TOM1L2: variants seen among roughly 807,000 people sequenced by gnomAD.
The protein encoded by TOM1L2 is target of myb1 like 2 membrane trafficking protein.
A neutral mutation model predicts 67.9 loss-of-function variants in TOM1L2; 31 were observed. The ratio of observed to expected loss-of-function variants is 0.46; its 90% CI spans 0.34 to 0.62. TOM1L2 has a LOEUF of 0.62. Among genes scored for constraint, TOM1L2 ranks in the 20% least tolerant of loss-of-function variants. The pLI, the probability that TOM1L2 is intolerant of heterozygous loss-of-function variation, is 0.01. For synonymous variants in TOM1L2, 256 were observed against 254.0 expected, an observed-to-expected ratio of 1.01 and a Z score of -0.07; for missense variants, 606 against 663.5, an observed-to-expected ratio of 0.91 and a Z score of 0.95.
intron 1 of TOM1L2, among the ~76,000 whole-genome samples, chr17:17,953,228 C>T (rs964005961): frequency 6.6e-6 from 1 of 151,976 alleles, no homozygotes; most frequent in African/African-American, 2.4e-5. Context: ...TGCAGTGAGC[C>T]GAAATCTTGT....
At chr17:17,866,499 C>A in intron 9 of TOM1L2, 80 bp from the exon 10 acceptor site, 1 of 1,470,002 alleles carries the variant, frequency 6.8e-7, no homozygotes, top group South Asian at 1.4e-5. Flanking sequence ...GGCAACTATG[C>A]AGGGTTCCAA....
intron 5 of TOM1L2, 127 bp from the exon 6 acceptor site, chr17:17,882,990 G>A: frequency 1.8e-6 from 2 of 1,142,162 alleles, no homozygotes; most frequent in South Asian, 1.5e-5. Context: ...CTGCTCCACT[G>A]CTGCCCGGGT....
intron 4 of TOM1L2, among the ~76,000 whole-genome samples, chr17:17,891,877 A>G (rs1274010365): frequency 6.6e-6 from 1 of 151,856 alleles, no homozygotes; most frequent in Non-Finnish European, 1.5e-5. Flanking sequence ...GACGAGGGAC[A>G]ACCCTAGGGT....
chr17:17,957,887 A>G (rs924235946), intron 1 of TOM1L2, among the ~76,000 whole-genome samples: 1 of 151,776 alleles, frequency 6.6e-6, no homozygotes, highest in Non-Finnish European at 1.5e-5. Context: ...TCCGGAGATC[A>G]AGACCATCCT....
chr17:17,911,639 G>T (rs1400626119), intron 1 of TOM1L2, among the ~76,000 whole-genome samples: 1 of 152,092 alleles, frequency 6.6e-6, no homozygotes, highest in Non-Finnish European at 1.5e-5. Flanking sequence ...TGATTAGCTG[G>T]AAATTCTTTT....
At chr17:17,879,875 G>T in intron 6 of TOM1L2, 132 bp from the exon 7 acceptor site, 1 of 792,484 alleles carries the variant, frequency 1.3e-6, no homozygotes, top group Non-Finnish European at 2.2e-6. Context: ...CTTTCTGAGT[G>T]CACACTGCAG....
chr17:17,911,541 C>T (rs559847772), intron 1 of TOM1L2, among the ~76,000 whole-genome samples: 59 of 152,260 alleles, frequency 3.9e-4, no homozygotes, highest in Non-Finnish European at 6.3e-4. Flanking sequence ...CTGAACTTTG[C>T]TTTCCTCTGG....
At chr17:17,862,949 T>G in intron 10 of TOM1L2, 101 bp from the exon 11 acceptor site, 6 of 480,934 alleles carry the variant, frequency 1.2e-5, no homozygotes, top group South Asian at 3.5e-5. Flanking sequence ...TGGGTTTAGG[T>G]TCCATGGGGA....
chr17:17,920,855 C>CA (rs2039836290), intron 1 of TOM1L2, among the ~76,000 whole-genome samples: 1 of 152,096 alleles, frequency 6.6e-6, no homozygotes, highest in Non-Finnish European at 1.5e-5. Context: ...AGGCTGGTCT[C>CA]AAACTCCTGA....
chr17:17,918,808 G>A (rs961293608), intron 1 of TOM1L2, among the ~76,000 whole-genome samples: 1 of 152,174 alleles, frequency 6.6e-6, no homozygotes, highest in Admixed American at 6.5e-5. Flanking sequence ...GGCTTAATGA[G>A]CCGTTAAGTA....
intron 2 of TOM1L2, among the ~76,000 whole-genome samples, chr17:17,907,056 GCTCT>G (rs1353213670): frequency 2.0e-5 from 3 of 152,208 alleles, no homozygotes; most frequent in Non-Finnish European, 2.9e-5. Context: ...ACACGGTGGT[GCTCT>G]CTGACTCCTG....
chr17:17,923,081 C>T (rs2039943920), intron 1 of TOM1L2, among the ~76,000 whole-genome samples: 1 of 152,194 alleles, frequency 6.6e-6, no homozygotes, highest in African/African-American at 2.4e-5. Flanking sequence ...TTTCCCAGGG[C>T]TCATACCTGC....
intron 12 of TOM1L2, among the ~76,000 whole-genome samples, chr17:17,853,550 A>G (rs1279785255): frequency 6.6e-6 from 1 of 152,240 alleles, no homozygotes; most frequent in Non-Finnish European, 1.5e-5. Context: ...TCACCTCCTC[A>G]AAAATAACTT....
chr17:17,909,058 G>A (rs1449751252), intron 1 of TOM1L2, among the ~76,000 whole-genome samples: 2 of 152,150 alleles, frequency 1.3e-5, no homozygotes, highest in African/African-American at 4.8e-5. Flanking sequence ...GTGGGCACCT[G>A]TCGTTCCAGC....
intron 1 of TOM1L2, among the ~76,000 whole-genome samples, chr17:17,910,524 A>G (rs2039298632): frequency 6.6e-6 from 1 of 152,166 alleles, no homozygotes; most frequent in South Asian, 2.1e-4. Flanking sequence ...CAGAGGTTCT[A>G]CTTTGAATGG....
intron 8 of TOM1L2, among the ~76,000 whole-genome samples, chr17:17,867,921 CTCA>C (rs1458655583): frequency 1.3e-5 from 2 of 152,234 alleles, no homozygotes; most frequent in Non-Finnish European, 2.9e-5. Context: ...CTTTCCCACA[CTCA>C]TCTTCAATGA....
At chr17:17,957,297 G>A (rs1186827785) in intron 1 of TOM1L2, among the ~76,000 whole-genome samples, 1 of 152,182 alleles carries the variant, frequency 6.6e-6, no homozygotes, top group Non-Finnish European at 1.5e-5. Context: ...TTTCAAAATG[G>A]CAGGTAGAGA....
chr17:17,850,725 A>G (rs1260153300), intron 13 of TOM1L2, among the ~76,000 whole-genome samples, 168 bp downstream of exon 13: 2 of 152,142 alleles, frequency 1.3e-5, no homozygotes, highest in African/African-American at 4.8e-5. Context: ...ACCCACAGCT[A>G]TGGGCTGATG....
rs762872409 is a variant in TOM1L2 at position 17,879,714 on chromosome 17, G to A, written c.690C>T (p.Val230=). 74 of 1,614,074 alleles carry A rather than the reference G, an allele frequency of 4.6e-5. No homozygotes were observed. The highest frequency in any genetic ancestry group is 6.1e-5 in the Non-Finnish European group (72 of 1,180,036). ...QIARLRSELD[V]VRGNTKVMSE... is the part of the protein sequence containing the mutation. The stretch of plus-strand genomic sequence containing the variant: ...ACATGACTTTTGTGTTTCCTCGAAC[G>A]ACGTCCAGTTCACTCCGCAGCCTGG... The change falls in exon 7 of 15, where the codon GTC becomes GTT. Residue 230 remains valine, a synonymous_variant. Coordinates refer to ENST00000379504, the MANE Select transcript of TOM1L2 (RefSeq NM_001082968.2).
Sources: allele counts gnomAD v4.1 joint callset (sites outside exome capture counted in the v4.1 genomes callset), GRCh38; gene constraint gnomAD v4.1.1; transcripts MANE v1.5; gene names NCBI Gene and HGNC (gene_info 2026-07-23, HGNC 2026-07-21).